The following BTD variants were observed in gnomAD, a reference collection of about 807,000 sequenced individuals.
BTD encodes the protein biotinidase.
A neutral mutation model predicts 17.7 loss-of-function variants in BTD; 13 were observed. The observed-to-expected ratio is 0.74, with a 90% CI of 0.48 to 1.17. The LOEUF (loss-of-function observed/expected upper bound fraction) is 1.17, where lower values mean the gene tolerates loss of function less well. Ranked by LOEUF, BTD falls within the 50% of genes most tolerant of loss-of-function variation. BTD has a pLI of 0.00. For missense variants in BTD, 674 were observed against 650.4 expected (o/e 1.04, Z -0.39); for synonymous variants, 240 against 245.2 (o/e 0.98, Z 0.20).
chr3:15,638,963 A>G (rs1316450415), intron 2 of BTD, among the ~76,000 whole-genome samples: 1 of 152,244 alleles, frequency 6.6e-6, no homozygotes, highest in Non-Finnish European at 1.5e-5. Flanking sequence ...ATTGACCAAA[A>G]TGTCATCATG....
exon 4 of BTD, chr3:15,711,324 A>G: frequency 1.4e-6 from 2 of 1,429,910 alleles, no homozygotes; most frequent in Non-Finnish European, 2.0e-6. Flanking sequence ...ATTTTACACT[A>G]AAGAATTGTG....
chr3:15,702,866 ACTAAC>A (rs1406434635), intron 3 of BTD, among the ~76,000 whole-genome samples: 5 of 152,012 alleles, frequency 3.3e-5, no homozygotes, highest in Non-Finnish European at 5.9e-5. Flanking sequence ...AAAAAATACA[ACTAAC>A]CTTTATAGGA....
At chr3:15,642,552 TCA>T (rs1252772120) in intron 3 of BTD, among the ~76,000 whole-genome samples, 2 of 151,842 alleles carry the variant, frequency 1.3e-5, no homozygotes, top group African/African-American at 4.8e-5. Flanking sequence ...CCTTCCGGGT[TCA>T]TGCCATTCTC....
At chr3:15,701,668 A>G (rs559919704) in intron 3 of BTD, among the ~76,000 whole-genome samples, 1 of 152,076 alleles carries the variant, frequency 6.6e-6, no homozygotes, top group Admixed American at 6.5e-5. Context: ...ATAAATAAAT[A>G]AAATAAAAAG....
chr3:15,601,940 G>T lies in BTD; in HGVS notation c.-17+46G>T, dbSNP rs957960811. ...GGCGCGGAGGGGGTGTGGTAAGGGC[G>T]TGCGGTCCAGACCCCGCCCCGGGCG... On this transcript the variant is annotated intron_variant, in intron 1 of 3. Transcript: ENST00000643237. The T allele has an allele frequency of 8.7e-6, 14 of 1,610,462 alleles. No homozygotes were observed. In the African/African-American group the frequency reaches 1.5e-4, roughly 17 times the overall value.
intron 1 of BTD, among the ~76,000 whole-genome samples, chr3:15,626,400 A>G (rs1316942940): frequency 6.6e-6 from 1 of 152,132 alleles, no homozygotes; most frequent in Non-Finnish European, 1.5e-5. Flanking sequence ...ACTATCATGG[A>G]AGACGCTGAA....
chr3:15,611,050 A>G lies in BTD; in HGVS notation c.-17+9156A>G, dbSNP rs1373898456. ...TTTTTTAGCGTAAGTATGTTCCAACATATTTATCTGAAAGTTAAATTTAAC... is the reference window on the plus strand; with the variant it reads ...TTTTTTAGCGTAAGTATGTTCCAACGTATTTATCTGAAAGTTAAATTTAAC... On this transcript the variant is annotated intron_variant, in intron 1 of 3. Transcript: ENST00000643237. 4.6e-5 allele frequency among the ~76,000 whole-genome samples: 7 copies of G among 152,248 alleles called. No individual in the cohort carries two copies. In the East Asian group the frequency reaches 1.3e-3, roughly 29 times the overall value.
chr3:15,705,923 C>T (rs1283368892), intron 3 of BTD, among the ~76,000 whole-genome samples: 1 of 152,088 alleles, frequency 6.6e-6, no homozygotes, highest in Non-Finnish European at 1.5e-5. Context: ...TGCTTGTGAA[C>T]CTGGGAGGTG....
chr3:15,611,596 T>C (rs770546148), intron 1 of BTD, among the ~76,000 whole-genome samples: 5 of 152,092 alleles, frequency 3.3e-5, no homozygotes, highest in Non-Finnish European at 7.4e-5. Flanking sequence ...ATTTCTTCTA[T>C]GATTGTTGGC....
chr3:15,674,659 G>C (rs1442617384), intron 3 of BTD, among the ~76,000 whole-genome samples: 1 of 152,088 alleles, frequency 6.6e-6, no homozygotes, highest in Non-Finnish European at 1.5e-5. Context: ...AGAGCACTAG[G>C]GAGTCAATGT....
At position 15,637,882 on chromosome 3, in the gene BTD, G is replaced by A. The variant is rs141126780; in HGVS notation, c.249+2194G>A. Among the ~76,000 whole-genome samples, 244 of 152,252 alleles carry A rather than the reference G, an allele frequency of 1.6e-3. 2 individuals are homozygous for A. The highest frequency in any genetic ancestry group is 5.6e-3 in the African/African-American group (231 of 41,554). On this transcript the variant is annotated intron_variant, in intron 2 of 3. Transcript: ENST00000643237. ...GCCCCCAGAGGAAACACTTAACACG[G>A]TTTTGTTGAAACCACGCCAGCTGCA...
intron 1 of BTD, among the ~76,000 whole-genome samples, chr3:15,619,399 C>A (rs1339711402): frequency 6.6e-6 from 1 of 152,200 alleles, no homozygotes; most frequent in Non-Finnish European, 1.5e-5. Flanking sequence ...CAGCTCACTG[C>A]AGCCTCCACC....
At chr3:15,708,825 C>T (rs2071827901) in intron 3 of BTD, among the ~76,000 whole-genome samples, 1 of 152,050 alleles carries the variant, frequency 6.6e-6, no homozygotes, top group Non-Finnish European at 1.5e-5. Flanking sequence ...ATTCTTTTTA[C>T]TTCTCTTCTG....
chr3:15,647,355 A>G lies in BTD; in HGVS notation c.*1867A>G, dbSNP rs2065719897. 1 of 152,236 alleles carries G rather than the reference A, an allele frequency of 6.6e-6. No individual in the cohort carries two copies. Among genetic ancestry groups the G allele is most frequent in the Non-Finnish European group, 1.5e-5 (1 of 68,038 alleles). 9.4% of individuals were successfully genotyped at this position (152,236 alleles called of 1,614,324 possible). A position where few individuals can be genotyped will look rare whatever the true frequency, so the allele number is the denominator to read the frequency against. ...CAAGATGATTCAAATAAGCCTGAGA[A>G]AGAGAGGCCAGCGCTAAATACAGAC... is the stretch of plus-strand genomic sequence containing the variant. On this transcript the variant is annotated 3_prime_UTR_variant, in exon 4 of 4. Transcript: ENST00000643237.
At chr3:15,601,676 A>G (rs2125311043), upstream of BTD, 1 of 1,554,762 alleles carries the variant, frequency 6.4e-7, no homozygotes, top group African/African-American at 1.4e-5. Flanking sequence ...GCGTTCTCCA[A>G]TCAGAACTGC....
intron 3 of BTD, among the ~76,000 whole-genome samples, chr3:15,704,842 A>C (rs1202852740): frequency 6.6e-6 from 1 of 152,214 alleles, no homozygotes; most frequent in East Asian, 1.9e-4. Context: ...CCCATGGAAC[A>C]AATCATTGAA....
intron 1 of BTD, among the ~76,000 whole-genome samples, chr3:15,614,414 C>A (rs184996494): frequency 6.6e-6 from 1 of 152,130 alleles, no homozygotes; most frequent in East Asian, 1.9e-4. Flanking sequence ...TGCACCCAGC[C>A]TCTATTTTCT....
chr3:15,617,870 A>C (rs2064837691), intron 1 of BTD, among the ~76,000 whole-genome samples: 1 of 152,146 alleles, frequency 6.6e-6, no homozygotes, highest in South Asian at 2.1e-4. Context: ...TAATGTCTTG[A>C]AGTTGGTAGT....
intron 3 of BTD, among the ~76,000 whole-genome samples, chr3:15,702,353 G>T (rs2070743063): frequency 6.6e-6 from 1 of 152,122 alleles, no homozygotes. Context: ...ATTAGAGGGT[G>T]GGGGCAGAAG....
Sources: allele counts gnomAD v4.1 joint callset (sites outside exome capture counted in the v4.1 genomes callset), GRCh38; gene constraint gnomAD v4.1.1; transcripts MANE v1.5; gene names NCBI Gene and HGNC (gene_info 2026-07-23, HGNC 2026-07-21).